Variants in ANKRD20A1 observed in about 807,000 individuals in gnomAD.
ANKRD20A1 encodes the protein ankyrin repeat domain 20 family member A1.
Under a neutral mutation model 50.9 loss-of-function variants are expected in ANKRD20A1, and 2 were observed. That is an observed-to-expected ratio of 0.04 (90% confidence interval 0.02 to 0.12). The LOEUF is 0.12. Among genes scored for constraint, ANKRD20A1 ranks in the 10% least tolerant of loss-of-function variants. The probability of loss-of-function intolerance (pLI) is 1.00; values close to 1 mark genes in which losing one functional copy is unlikely to be tolerated. For missense variants in ANKRD20A1, 31 were observed against 548.1 expected (o/e 0.06, Z 9.42); for synonymous variants, 10 against 186.2 (o/e 0.05, Z 7.70).
rs1044933601 is a variant in ANKRD20A1 at position 67,872,300 on chromosome 9, C to T, written c.793+1088C>T. 3.8e-5 allele frequency among the ~76,000 whole-genome samples: 5 copies of T among 130,686 alleles called. 1 individual carries two copies. The highest frequency in any genetic ancestry group is 7.5e-5 in the Admixed American group (1 of 13,284). 85.7% of individuals were successfully genotyped at this position (130,686 alleles called of 152,430 possible). The stretch of plus-strand genomic sequence containing the variant: ...AGAAGCACAAGTTATATTACATATT[C>T]GTACACAAGCAAAATGATTTTATCT... On this transcript the variant is annotated intron_variant, in intron 6 of 14. Transcript: ENST00000562196.
At chr9:67,885,155 A>T (rs1433281289) in intron 9 of ANKRD20A1, among the ~76,000 whole-genome samples, 1 of 152,176 alleles carries the variant, frequency 6.6e-6, no homozygotes, top group Non-Finnish European at 1.5e-5. Flanking sequence ...GAATAAAGAG[A>T]AAGAAAGAAT....
chr9:67,886,452 A>G (rs1385231010), intron 9 of ANKRD20A1, among the ~76,000 whole-genome samples: 1 of 52,374 alleles, frequency 1.9e-5, no homozygotes, highest in Non-Finnish European at 3.9e-5. Flanking sequence ...GTGAATACCA[A>G]AATTCTCTTT....
At chr9:67,889,508 TGAA>T (rs1827915329) in intron 11 of ANKRD20A1, among the ~76,000 whole-genome samples, 1 of 63,472 alleles carries the variant, frequency 1.6e-5, no homozygotes, top group Non-Finnish European at 3.2e-5. Flanking sequence ...TTCTTATCCC[TGAA>T]GAATCCTAAT....
intron 8 of ANKRD20A1, among the ~76,000 whole-genome samples, chr9:67,882,019 C>A (rs1286148499): frequency 7.1e-6 from 1 of 140,920 alleles, no homozygotes; most frequent in African/African-American, 2.5e-5. Context: ...TCACTCTGTC[C>A]CCCAGGCTGG....
intron 8 of ANKRD20A1, among the ~76,000 whole-genome samples, chr9:67,882,913 T>G (rs1207179299): frequency 6.6e-6 from 1 of 151,112 alleles, no homozygotes; most frequent in Non-Finnish European, 1.5e-5. Context: ...TGCGATAGTT[T>G]GCTCAGAACG....
At chr9:67,872,108 A>C (rs947288740) in intron 6 of ANKRD20A1, among the ~76,000 whole-genome samples, 4 of 83,544 alleles carry the variant, frequency 4.8e-5, no homozygotes, top group Admixed American at 1.3e-4. Context: ...TGTGTCACTA[A>C]GAAAGTAACT....
chr9:67,882,510 G>T (rs1378507595), intron 8 of ANKRD20A1, among the ~76,000 whole-genome samples: 3 of 149,246 alleles, frequency 2.0e-5, no homozygotes, highest in Non-Finnish European at 3.0e-5. Context: ...TAGCAAATAG[G>T]GTTACAATAT....
At chr9:67,881,003 A>C (rs1332486999) in intron 8 of ANKRD20A1, among the ~76,000 whole-genome samples, 80 of 135,828 alleles carry the variant, frequency 5.9e-4, no homozygotes, top group African/African-American at 1.9e-3. Context: ...AATATTCAGC[A>C]CATAGCATAT....
intron 3 of ANKRD20A1, among the ~76,000 whole-genome samples, chr9:67,864,746 A>C (rs1827532335): frequency 2.1e-5 from 1 of 48,064 alleles, no homozygotes; most frequent in Admixed American, 1.6e-4. Flanking sequence ...AGATAAGTGC[A>C]ATATATAAAT....
At chr9:67,882,023 A>G (rs934213733) in intron 8 of ANKRD20A1, among the ~76,000 whole-genome samples, 1 of 140,536 alleles carries the variant, frequency 7.1e-6, no homozygotes, top group African/African-American at 2.5e-5. Context: ...TCTGTCCCCC[A>G]GGCTGGAGGG....
chr9:67,865,725 G>GCAT lies in ANKRD20A1; in HGVS notation c.493-1552_493-1551insCAT, dbSNP rs1264964770. Among the ~76,000 whole-genome samples, 633 of 116,612 alleles carry GCAT rather than the reference G, an allele frequency of 5.4e-3. 6 individuals are homozygous for GCAT. The highest frequency in any genetic ancestry group is 0.013 in the Admixed American group (145 of 11,284). 76.5% of individuals were successfully genotyped at this position (116,612 alleles called of 152,430 possible). A position where few individuals can be genotyped will look rare whatever the true frequency, so the allele number is the denominator to read the frequency against. On this transcript the variant is annotated intron_variant, in intron 3 of 14. Transcript: ENST00000562196. ...AGAAGTTGCCCCTTTATAGAAGGCA[G>GCAT]GTATTCTCCAGTTTGCTACTGTGCC... is the stretch of plus-strand genomic sequence containing the variant.
At chr9:67,865,132 ATT>A (rs1189544004) in intron 3 of ANKRD20A1, among the ~76,000 whole-genome samples, 3 of 151,470 alleles carry the variant, frequency 2.0e-5, no homozygotes, top group Non-Finnish European at 2.9e-5. Flanking sequence ...ATCCTAAACT[ATT>A]TTTTTTAGTT....
chr9:67,885,438 C>T (rs1450307682), intron 9 of ANKRD20A1, among the ~76,000 whole-genome samples: 7 of 152,412 alleles, frequency 4.6e-5, no homozygotes, highest in Admixed American at 1.3e-4. Context: ...TGAACATCAC[C>T]AAAAATGGTC....
At chr9:67,881,506 C>T (rs1287491065) in intron 8 of ANKRD20A1, among the ~76,000 whole-genome samples, 9 of 151,430 alleles carry the variant, frequency 5.9e-5, no homozygotes, top group Non-Finnish European at 1.3e-4. Context: ...TGGAGACTCA[C>T]CTGTAATCCC....
chr9:67,861,308 T>G (rs550882745), intron 1 of ANKRD20A1, among the ~76,000 whole-genome samples: 2,506 of 48,712 alleles, frequency 0.051, 1,055 homozygotes, highest in Non-Finnish European at 0.068. Flanking sequence ...TATTTTATTA[T>G]GTACATATGT....
intron 6 of ANKRD20A1, among the ~76,000 whole-genome samples, chr9:67,873,332 GA>G (rs1827684626): frequency 6.7e-6 from 1 of 149,894 alleles, no homozygotes; most frequent in African/African-American, 2.4e-5. Flanking sequence ...TCAGATAAAA[GA>G]GGATTGCTGC....
Position 67,864,679 on chromosome 9 carries a change from C to T in ANKRD20A1, c.492+1288C>T, listed in dbSNP as rs1187587013. Among the ~76,000 whole-genome samples, 13 of 44,674 alleles carry T rather than the reference C, an allele frequency of 2.9e-4. 5 individuals are homozygous for T. Among genetic ancestry groups the T allele is most frequent in the Non-Finnish European group, 5.7e-4 (13 of 22,772 alleles). The allele number at this position is 44,674 out of a possible 152,430, so 29.3% of individuals were successfully genotyped here. The stretch of plus-strand genomic sequence containing the variant: ...TAGCCAAAAAAAAAAAAAAAAACCC[C>T]AAAAAAACAAAAAACCTTCAAGGTT... On this transcript the variant is annotated intron_variant, in intron 3 of 14. Transcript: ENST00000562196.
intron 3 of ANKRD20A1, among the ~76,000 whole-genome samples, chr9:67,865,816 C>T (rs1284334672): frequency 6.9e-6 from 1 of 144,696 alleles, no homozygotes; most frequent in African/African-American, 2.5e-5. Context: ...GTTTACAACT[C>T]CTATGTTATA....
At chr9:67,879,404 C>T in intron 7 of ANKRD20A1, among the ~76,000 whole-genome samples, 1 of 83,232 alleles carries the variant, frequency 1.2e-5, no homozygotes, top group East Asian at 6.7e-4. Context: ...GATTGGCTGG[C>T]AAATCAGTCA....
Sources: gnomAD v4.1 joint callset for allele counts (sites outside exome capture counted in the v4.1 genomes callset) on GRCh38, gnomAD v4.1.1 for gene constraint, MANE v1.5 for transcripts, NCBI Gene and HGNC (gene_info 2026-07-23, HGNC 2026-07-21) for gene names.